Variants in NUP188 observed in about 807,000 individuals in gnomAD.
NUP188 encodes nucleoporin 188.
In NUP188, 97 loss-of-function variants were observed where a neutral mutation model predicts 223.0. The ratio of observed to expected loss-of-function variants is 0.43; its 90% CI spans 0.37 to 0.51. The LOEUF (loss-of-function observed/expected upper bound fraction) is 0.51. NUP188 is among the 20% of genes least tolerant of loss of function. The probability of loss-of-function intolerance (pLI) is 0.00; values close to 1 mark genes in which losing one functional copy is unlikely to be tolerated. For missense variants in NUP188, 1,947 were observed against 2,175.6 expected (o/e 0.89, Z 2.09); for synonymous variants, 869 against 828.0 (o/e 1.05, Z -0.85).
intron 38 of NUP188, among the ~76,000 whole-genome samples, chr9:129,004,300 C>A (rs1240771775): frequency 7.8e-5 from 11 of 141,476 alleles, no homozygotes; most frequent in East Asian, 2.1e-4. Flanking sequence ...AAAAAAAAAA[C>A]TAAACTAAAC....
intron 2 of NUP188, among the ~76,000 whole-genome samples, chr9:128,949,458 G>T (rs551267470): frequency 6.6e-6 from 1 of 151,226 alleles, no homozygotes; most frequent in African/African-American, 2.4e-5. Flanking sequence ...TCAGCTTCTC[G>T]AGTAGCTGGG....
chr9:128,947,707 C>A lies in NUP188; in HGVS notation c.-13C>A, dbSNP rs3750324. On this transcript the variant is annotated 5_prime_UTR_variant, in exon 1 of 44. Coordinates refer to ENST00000372577, the MANE Select transcript of NUP188 (RefSeq NM_015354.3). ...CGTCTGGGGGCGGGGTTAGGGCGAG[C>A]GGGCGCGCGAAGATGGCGGCGGCCG... 2.0e-6 allele frequency: 3 copies of A among 1,465,256 alleles called. No homozygotes were observed. Among genetic ancestry groups the A allele is most frequent in the Non-Finnish European group, 2.7e-6 (3 of 1,111,248 alleles). The allele number at this position is 1,465,256 out of a possible 1,614,324, so 90.8% of individuals were successfully genotyped here.
At chr9:128,993,745 G>A (rs1304632914) in intron 27 of NUP188, 51 bp downstream of exon 27, 2 of 1,525,304 alleles carry the variant, frequency 1.3e-6, no homozygotes, top group African/African-American at 1.4e-5. Flanking sequence ...TAAAATGGGA[G>A]TAATAATAGC....
intron 24 of NUP188, among the ~76,000 whole-genome samples, chr9:128,989,546 A>C (rs1842385214): frequency 6.6e-6 from 1 of 152,140 alleles, no homozygotes; most frequent in Non-Finnish European, 1.5e-5. Context: ...TAAAAATACA[A>C]AAGTTAGCTG....
intron 3 of NUP188, among the ~76,000 whole-genome samples, chr9:128,954,883 C>T (rs532344276): frequency 3.5e-4 from 52 of 147,134 alleles, no homozygotes; most frequent in African/African-American, 1.1e-3. Context: ...GATGGAGTTT[C>T]GCTCTTGTTG....
chr9:128,954,083 G>A (rs1287071282), intron 3 of NUP188, among the ~76,000 whole-genome samples: 1 of 152,112 alleles, frequency 6.6e-6, no homozygotes, highest in African/African-American at 2.4e-5. Context: ...GCTCACCTCG[G>A]CCTCCCAAAG....
intron 25 of NUP188, among the ~76,000 whole-genome samples, chr9:128,991,768 G>A (rs1186298971): frequency 3.3e-5 from 5 of 150,368 alleles, no homozygotes; most frequent in African/African-American, 4.9e-5. Flanking sequence ...GCTTGAACCC[G>A]GGAGGTGGAG....
chr9:128,957,666 G>A (rs1287647878), intron 5 of NUP188, among the ~76,000 whole-genome samples: 3 of 151,990 alleles, frequency 2.0e-5, no homozygotes, highest in African/African-American at 7.2e-5. Context: ...GGATTTCACC[G>A]TGTTAGCCAG....
rs183716074 is a variant in NUP188 at position 128,967,746 on chromosome 9, C to T, written c.586-760C>T. 1.9e-4 allele frequency among the ~76,000 whole-genome samples: 29 copies of T among 151,546 alleles called. No individual in the cohort carries two copies. In the East Asian group the frequency reaches 2.3e-3, roughly 12 times the overall value. Reference sequence around the variant, plus strand: ...CGGAGGTTGCAGTGAGCCAAGATCGCGCCATTGCACTCCAGCCTGGGGGAT... The same window carrying T: ...CGGAGGTTGCAGTGAGCCAAGATCGTGCCATTGCACTCCAGCCTGGGGGAT... On this transcript the variant is annotated intron_variant, in intron 8 of 43. Coordinates refer to ENST00000372577, the MANE Select transcript of NUP188 (RefSeq NM_015354.3).
chr9:128,977,042 C>T (rs1436721944), intron 12 of NUP188, among the ~76,000 whole-genome samples: 1 of 151,876 alleles, frequency 6.6e-6, no homozygotes, highest in Admixed American at 6.6e-5. Flanking sequence ...CGCTGCACTC[C>T]AACCTGGGAG....
intron 13 of NUP188, 47 bp downstream of exon 13, chr9:128,979,374 A>C (rs781078061): frequency 7.2e-7 from 1 of 1,391,460 alleles, no homozygotes; most frequent in Non-Finnish European, 1.0e-6. Context: ...AATTGTTCAA[A>C]CACTTGTTTT....
intron 30 of NUP188, 48 bp downstream of exon 30, chr9:128,995,562 T>C (rs1842509986): frequency 6.9e-7 from 1 of 1,459,416 alleles, no homozygotes; most frequent in Non-Finnish European, 9.3e-7. Context: ...TTAGCAATGA[T>C]GTGTTGACAT....
rs758134582 is a variant in NUP188 at position 128,998,205 on chromosome 9, G to A, written c.3406G>A (p.Val1136Met). Reference sequence around the variant, plus strand: ...GGTGCGTCGCCAGCTCTTTCTTGACGTGCTTGATGGAACCAAAGCATTAGT... The same window carrying A: ...GGTGCGTCGCCAGCTCTTTCTTGACATGCTTGATGGAACCAAAGCATTAGT... ...SVVRRQLFLD[V>M]LDGTKALLLV... Residue 1136 changes from valine to methionine, a missense_variant, in exon 31 of 44, where the codon GTG (valine) becomes ATG (methionine). Val to Met is a conservative substitution (Grantham distance 21). Coordinates refer to ENST00000372577, the MANE Select transcript of NUP188 (RefSeq NM_015354.3). The A allele has an allele frequency of 9.6e-5, 155 of 1,613,628 alleles. 3 individuals are homozygous for A. The South Asian group carries it at 1.6e-3, about 16-fold the overall frequency.
chr9:128,966,527 C>T (rs989297594), intron 8 of NUP188, among the ~76,000 whole-genome samples: 3 of 151,832 alleles, frequency 2.0e-5, no homozygotes, highest in African/African-American at 7.3e-5. Context: ...CAAGATGCTG[C>T]AGGTTTTGCC....
chr9:128,978,447 C>T (rs984420933), intron 12 of NUP188, among the ~76,000 whole-genome samples: 4 of 149,852 alleles, frequency 2.7e-5, no homozygotes, highest in African/African-American at 7.4e-5. Context: ...CCTGTAGTCC[C>T]AGCTACTCAG....
chr9:128,987,320 G>A (rs989266364), intron 22 of NUP188, among the ~76,000 whole-genome samples: 2 of 151,976 alleles, frequency 1.3e-5, no homozygotes, highest in Non-Finnish European at 2.9e-5. Flanking sequence ...TTATTTTAAT[G>A]GTTCTATGCA....
intron 11 of NUP188, 71 bp from the exon 12 acceptor site, chr9:128,973,088 GA>G: frequency 1.2e-6 from 1 of 864,908 alleles, no homozygotes; most frequent in South Asian, 1.7e-5. Flanking sequence ...ATATGAATGC[GA>G]TAGGATTATG....
chr9:128,987,088 A>AGAGAGAGTGT (rs1450678206), intron 22 of NUP188, among the ~76,000 whole-genome samples: 53 of 113,334 alleles, frequency 4.7e-4, no homozygotes, highest in South Asian at 3.2e-3. Flanking sequence ...AGAGAGAGAG[A>AGAGAGAGTGT]GTGTGTGTGT....
Position 128,983,561 on chromosome 9 carries a change from T to G in NUP188, c.1961+11T>G, listed in dbSNP as rs1362814236. 3.7e-6 allele frequency: 6 copies of G among 1,606,650 alleles called. No individual in the cohort carries two copies. Among genetic ancestry groups the G allele is most frequent in the African/African-American group, 1.3e-5 (1 of 74,792 alleles). ...GAGTCAGATGATTAGGTGAGCCAAG[T>G]CCTAGGGTGGTGGGCCATATTCCCT... On this transcript the variant is annotated intron_variant, in intron 19 of 43. Coordinates refer to ENST00000372577, the MANE Select transcript of NUP188 (RefSeq NM_015354.3).
Sources: gnomAD v4.1 joint callset for allele counts (sites outside exome capture counted in the v4.1 genomes callset) on GRCh38, gnomAD v4.1.1 for gene constraint, MANE v1.5 for transcripts, NCBI Gene and HGNC (gene_info 2026-07-23, HGNC 2026-07-21) for gene names.